Variants in SOX6 observed in about 807,000 individuals in gnomAD.
The protein encoded by SOX6 is SRY-box transcription factor 6.
SOX6 carries 11 observed loss-of-function variants against 97.8 expected under a neutral mutation model. The ratio of observed to expected loss-of-function variants is 0.11; its 90% CI spans 0.07 to 0.19. The LOEUF is 0.19. Ranked by LOEUF, SOX6 falls within the 10% of genes least tolerant of loss-of-function variation. SOX6 has a pLI of 1.00. For missense variants in SOX6, 810 were observed against 1,039.5 expected (o/e 0.78, Z 3.04); for synonymous variants, 360 against 371.4 (o/e 0.97, Z 0.35).
chr11:15,974,111 G>A (rs1210023823), intron 15 of SOX6, among the ~76,000 whole-genome samples: 1 of 152,202 alleles, frequency 6.6e-6, no homozygotes, highest in African/African-American at 2.4e-5. Context: ...AGTTGAATTT[G>A]TTTCAAGTTG....
chr11:16,588,441 G>A (rs552934091), intron 4 of SOX6, among the ~76,000 whole-genome samples: 2 of 152,274 alleles, frequency 1.3e-5, no homozygotes, highest in African/African-American at 4.8e-5. Context: ...AAGAAGAAAA[G>A]AGAGTACTGA....
chr11:16,001,735 C>A (rs16932414), intron 13 of SOX6, among the ~76,000 whole-genome samples: 16,847 of 152,104 alleles, frequency 0.11, 1,981 homozygotes, highest in East Asian at 0.36. Context: ...AAGGGCATGT[C>A]GAGAAAGCAC....
chr11:16,493,967 C>T (rs1456529434), intron 4 of SOX6, among the ~76,000 whole-genome samples: 4 of 151,982 alleles, frequency 2.6e-5, no homozygotes, highest in Non-Finnish European at 2.9e-5. Context: ...CAAGAATATT[C>T]GCTGCAATAT....
At chr11:16,351,225 G>A (rs1328079292) in intron 1 of SOX6, among the ~76,000 whole-genome samples, 1 of 151,902 alleles carries the variant, frequency 6.6e-6, no homozygotes, top group Non-Finnish European at 1.5e-5. Context: ...ACACCCAGAA[G>A]AGTACCACTG....
At chr11:16,466,930 CAAAAAAAAAAAA>C (rs764424447) in intron 1 of SOX6, among the ~76,000 whole-genome samples, 9 of 41,544 alleles carry the variant, frequency 2.2e-4, no homozygotes, top group African/African-American at 7.9e-4. Context: ...GACTCCGTCT[CAAAAAAAAAAAA>C]AAAAAAAAAA....
intron 4 of SOX6, among the ~76,000 whole-genome samples, chr11:16,215,351 A>C (rs1165600750): frequency 6.6e-6 from 1 of 152,208 alleles, no homozygotes; most frequent in Non-Finnish European, 1.5e-5. Flanking sequence ...ATCTTCCTTT[A>C]ACTATTTCTC....
chr11:16,628,823 G>C lies in SOX6; in HGVS notation n.430-16563C>G, dbSNP rs545589760. 5.9e-5 allele frequency among the ~76,000 whole-genome samples: 9 copies of C among 152,166 alleles called. No homozygotes were observed. In the East Asian group the frequency reaches 1.2e-3, roughly 20 times the overall value. On this transcript the variant is annotated intron_variant and non_coding_transcript_variant, in intron 3 of 5. Coordinates refer to the SOX6 transcript ENST00000524520. ...GCAGTGTTTTGTATTTCTCCTTGTA[G>C]AGCTCCTTCACCTCCTTGGTTAGAT...
chr11:16,108,362 A>C (rs1221218637), intron 7 of SOX6, among the ~76,000 whole-genome samples: 1 of 152,150 alleles, frequency 6.6e-6, no homozygotes, highest in Admixed American at 6.6e-5. Context: ...GGGTCAGCTA[A>C]ATCAAGCCTG....
intron 15 of SOX6, among the ~76,000 whole-genome samples, chr11:15,979,828 C>T (rs1171161411): frequency 6.6e-6 from 1 of 151,870 alleles, no homozygotes; most frequent in Non-Finnish European, 1.5e-5. Context: ...AAAATTGCAC[C>T]CTATAAGCTG....
chr11:16,130,936 C>T (rs1849725143), intron 6 of SOX6, among the ~76,000 whole-genome samples: 2 of 151,872 alleles, frequency 1.3e-5, no homozygotes. Flanking sequence ...GATGTCTGGA[C>T]TCTTATCTTA....
intron 3 of SOX6, among the ~76,000 whole-genome samples, chr11:16,630,787 G>A (rs1475190504): frequency 6.6e-6 from 1 of 152,168 alleles, no homozygotes; most frequent in Non-Finnish European, 1.5e-5. Context: ...TGTGTTATAT[G>A]TAGGACAGTT....
At chr11:16,539,559 T>C (rs1405583851) in intron 4 of SOX6, among the ~76,000 whole-genome samples, 1 of 151,628 alleles carries the variant, frequency 6.6e-6, no homozygotes, top group East Asian at 1.9e-4. Context: ...ATGAACAAAA[T>C]TGATAGACCA....
At chr11:16,388,885 T>C (rs991234186) in intron 1 of SOX6, among the ~76,000 whole-genome samples, 1 of 152,210 alleles carries the variant, frequency 6.6e-6, no homozygotes, top group Non-Finnish European at 1.5e-5. Flanking sequence ...CTGAACTTCT[T>C]ACGACTGTAC....
chr11:16,113,927 A>G (rs1446375401), intron 6 of SOX6, among the ~76,000 whole-genome samples: 1 of 152,180 alleles, frequency 6.6e-6, no homozygotes. Context: ...AACAGAGGGC[A>G]GAACTAGGCT....
chr11:16,338,823 G>C (rs533505213), intron 2 of SOX6, among the ~76,000 whole-genome samples: 28 of 151,948 alleles, frequency 1.8e-4, no homozygotes, highest in African/African-American at 5.3e-4. Flanking sequence ...AATTTGGTAA[G>C]AAAATTATTA....
At chr11:16,548,233 AT>A (rs1847642975) in intron 4 of SOX6, among the ~76,000 whole-genome samples, 2 of 152,134 alleles carry the variant, frequency 1.3e-5, no homozygotes. Flanking sequence ...TTTAGAGAGA[AT>A]TCATCAGCAG....
At chr11:16,428,938 T>C (rs1231906385) in intron 1 of SOX6, among the ~76,000 whole-genome samples, 1 of 152,208 alleles carries the variant, frequency 6.6e-6, no homozygotes, top group South Asian at 2.1e-4. Context: ...TTTCACGATA[T>C]TAATTCTTCC....
chr11:16,677,906 T>G (rs1021791508), intron 3 of SOX6, among the ~76,000 whole-genome samples: 7 of 152,204 alleles, frequency 4.6e-5, no homozygotes, highest in African/African-American at 1.7e-4. Flanking sequence ...GGTTATTCAT[T>G]TCTTCTTAAG....
At chr11:16,204,025 T>C (rs867863154) in intron 4 of SOX6, among the ~76,000 whole-genome samples, 5 of 151,998 alleles carry the variant, frequency 3.3e-5, no homozygotes, top group Non-Finnish European at 7.4e-5. Flanking sequence ...GCAATGCACA[T>C]GTTAATTAAC....
Sources: gnomAD v4.1 joint callset for allele counts (sites outside exome capture counted in the v4.1 genomes callset) on GRCh38, gnomAD v4.1.1 for gene constraint, MANE v1.5 for transcripts, NCBI Gene and HGNC (gene_info 2026-07-23, HGNC 2026-07-21) for gene names.